Variants in CAMK2G observed in about 807,000 individuals in gnomAD.
The protein encoded by CAMK2G is calcium/calmodulin-dependent protein kinase type II subunit gamma.
In CAMK2G, 23 loss-of-function variants were observed where a neutral mutation model predicts 88.7. The observed-to-expected ratio is 0.26, with a 90% confidence interval of 0.19 to 0.37. The LOEUF (loss-of-function observed/expected upper bound fraction) is 0.37, where lower values mean the gene tolerates loss of function less well. Ranked by LOEUF, CAMK2G falls within the 10% of genes least tolerant of loss-of-function variation. CAMK2G has a pLI of 1.00. For synonymous variants in CAMK2G, 263 were observed against 294.8 expected, an observed-to-expected ratio of 0.89 and a Z score of 1.11; for missense variants, 476 against 780.8, an observed-to-expected ratio of 0.61 and a Z score of 4.65.
chr10:73,868,397 G>T (rs1309505482), intron 2 of CAMK2G, among the ~76,000 whole-genome samples: 2 of 152,186 alleles, frequency 1.3e-5, no homozygotes, highest in African/African-American at 4.8e-5. Flanking sequence ...GGCCAGTGTT[G>T]TGTGTGCTAA....
At chr10:73,861,478 C>T (rs1203357002) in intron 2 of CAMK2G, among the ~76,000 whole-genome samples, 1 of 152,202 alleles carries the variant, frequency 6.6e-6, no homozygotes, top group Non-Finnish European at 1.5e-5. Flanking sequence ...GCCTCAGCCT[C>T]CCGAGTAGCT....
At chr10:73,836,138 T>A (rs2093186038) in intron 14 of CAMK2G, among the ~76,000 whole-genome samples, 1 of 152,194 alleles carries the variant, frequency 6.6e-6, no homozygotes. Flanking sequence ...CTGACCCATA[T>A]TTTCAATTTA....
Position 73,820,109 on chromosome 10 carries a change from C to A in CAMK2G, c.1250-464G>T, listed in dbSNP as rs191422838. On this transcript the variant is annotated intron_variant, in intron 18 of 22. Transcript: ENST00000423381. ...TTTTTGGTTCCAAAAGGTTTGGTGCCCCCTTGCCACCCAGGGCATGCTCTC... is the reference window on the plus strand; with the variant it reads ...TTTTTGGTTCCAAAAGGTTTGGTGCACCCTTGCCACCCAGGGCATGCTCTC... Among the ~76,000 whole-genome samples the A allele has an allele frequency of 3.2e-3, 490 of 152,202 alleles. 1 individual carries two copies. The highest frequency in any genetic ancestry group is 0.011 in the African/African-American group (471 of 41,518).
In CAMK2G at chr10:73,820,492, A is replaced by ATTTTTT. The variant is rs1166533591; in HGVS notation, c.1250-853_1250-848dup. On this transcript the variant is annotated intron_variant, in intron 18 of 22. Coordinates refer to ENST00000423381, the MANE Select transcript of CAMK2G (RefSeq NM_001367534.1). Reference sequence around the variant, plus strand: ...TATATATATATATATATATATATATATTTTTTTTTTTTTTTTTTTCTTGAG... The same window carrying ATTTTTT: ...TATATATATATATATATATATATATATTTTTTTTTTTTTTTTTTTTTTTTTCTTGAG... 1.0e-3 allele frequency among the ~76,000 whole-genome samples: 51 copies of ATTTTTT among 51,056 alleles called. 1 individual carries two copies. The highest frequency in any genetic ancestry group is 3.3e-3 in the African/African-American group (37 of 11,280). The allele number at this position is 51,056 out of a possible 152,430, so 33.5% of individuals were successfully genotyped here.
chr10:73,823,199 T>C (rs948157751), intron 17 of CAMK2G, among the ~76,000 whole-genome samples: 17 of 151,952 alleles, frequency 1.1e-4, no homozygotes, highest in African/African-American at 2.9e-4. Flanking sequence ...AGATTACCTA[T>C]TGACATTAGA....
chr10:73,852,210 C>T (rs2094681849), intron 5 of CAMK2G, 44 bp downstream of exon 5: 4 of 1,530,220 alleles, frequency 2.6e-6, no homozygotes, highest in Non-Finnish European at 3.6e-6. Flanking sequence ...TCCTTCAGTC[C>T]TAAACTCCAG....
At chr10:73,851,589 G>C (rs1198334272) in intron 5 of CAMK2G, among the ~76,000 whole-genome samples, 2 of 152,126 alleles carry the variant, frequency 1.3e-5, no homozygotes, top group African/African-American at 4.8e-5. Flanking sequence ...ACAGTGGCTT[G>C]AGCACACCAG....
At position 73,839,446 on chromosome 10, in the gene CAMK2G, C is replaced by T. The variant is rs1484462034; in HGVS notation, c.1009+93G>A. On this transcript the variant is annotated intron_variant, in intron 13 of 22. Coordinates refer to ENST00000423381, the MANE Select transcript of CAMK2G (RefSeq NM_001367534.1). This position sits in a 1 kb window ranked among gnomAD's most constrained non-coding sequence, Gnocchi z 4.2. The stretch of plus-strand genomic sequence containing the variant: ...CATCTCAGCCCGCAAGCATGGGACT[C>T]GCCTCCCTGGTGAGTGGGCCCGGCA... 4.6e-6 allele frequency: 3 copies of T among 649,948 alleles called. No individual in the cohort carries two copies. Among genetic ancestry groups the T allele is most frequent in the Admixed American group, 4.4e-5 (1 of 22,970 alleles). The allele number at this position is 649,948 out of a possible 1,614,324, so 40.3% of individuals were successfully genotyped here. A position where few individuals can be genotyped will look rare whatever the true frequency, so the allele number is the denominator to read the frequency against.
Position 73,828,107 on chromosome 10 carries a change from A to G in CAMK2G, c.1068T>C (p.Ser356=), listed in dbSNP as rs1245439668. 6.2e-7 allele frequency: 1 copy of G among 1,613,704 alleles called. No individual in the cohort carries two copies. The highest frequency in any genetic ancestry group is 8.5e-7 in the Non-Finnish European group (1 of 1,179,628). The change falls in exon 15 of 23, where the codon AGT becomes AGC. Residue 356 remains serine, a synonymous_variant. Transcript: ENST00000423381. ...SDGGVKKRKS[S]SSVHLMPQSN... is the part of the protein sequence containing the mutation. ...GGCTCACCATTAGGTGCACGCTGGA[A>G]CTCGACTTCCTTTTCTGGACACACC... is the stretch of plus-strand genomic sequence containing the variant.
chr10:73,856,602 G>A (rs1223495489), intron 3 of CAMK2G, among the ~76,000 whole-genome samples: 5 of 152,250 alleles, frequency 3.3e-5, no homozygotes, highest in Non-Finnish European at 7.3e-5. Context: ...TGTGAGGCAG[G>A]AGCAGAGGGA....
intron 10 of CAMK2G, among the ~76,000 whole-genome samples, chr10:73,844,897 CTTAAT>C (rs2094115098): frequency 6.6e-6 from 1 of 152,208 alleles, no homozygotes; most frequent in Admixed American, 6.5e-5. Flanking sequence ...TCTTCCCCAA[CTTAAT>C]CAGGGACTCT....
At position 73,820,663 on chromosome 10, in the gene CAMK2G, A is replaced by ATTTTTTTTTTTTTTT. The variant is rs1198716305; in HGVS notation, c.1249+1004_1249+1018dup. Among the ~76,000 whole-genome samples, 25 of 46,128 alleles carry ATTTTTTTTTTTTTTT rather than the reference A, an allele frequency of 5.4e-4. 2 individuals carry two copies. Among genetic ancestry groups the ATTTTTTTTTTTTTTT allele is most frequent in the Non-Finnish European group, 6.8e-4 (20 of 29,314 alleles). 30.3% of individuals were successfully genotyped at this position (46,128 alleles called of 152,430 possible). ...AGGACCCCGCCACCACACCCGGCTA[A>ATTTTTTTTTTTTTTT]TTTTTTTTTTTTTTTTTTTTTTTTT... On this transcript the variant is annotated intron_variant, in intron 18 of 22. Transcript: ENST00000423381.
intron 3 of CAMK2G, among the ~76,000 whole-genome samples, chr10:73,856,416 G>A (rs1215121887): frequency 3.9e-5 from 6 of 152,224 alleles, no homozygotes; most frequent in African/African-American, 1.4e-4. Flanking sequence ...ATTCTGACTG[G>A]CTCGACAATG....
intron 10 of CAMK2G, chr10:73,846,254 A>G (rs1352646926): frequency 6.6e-6 from 1 of 152,186 alleles, no homozygotes; most frequent in Non-Finnish European, 1.5e-5. Context: ...TTGCAGCCTC[A>G]TCGACAACCA....
At chr10:73,850,039 G>T (rs79222028) in intron 5 of CAMK2G, among the ~76,000 whole-genome samples, 10 of 152,272 alleles carry the variant, frequency 6.6e-5, no homozygotes, top group Non-Finnish European at 1.0e-4. Flanking sequence ...TCTGTTGCCT[G>T]GGTTAGAGTG....
chr10:73,825,665 G>T (rs1240810975), intron 15 of CAMK2G, among the ~76,000 whole-genome samples: 4 of 152,154 alleles, frequency 2.6e-5, no homozygotes, highest in African/African-American at 4.8e-5. Flanking sequence ...AGAAGTTCAA[G>T]ATCTTCTTCC....
intron 12 of CAMK2G, among the ~76,000 whole-genome samples, chr10:73,840,953 G>C (rs1345226734): frequency 1.3e-5 from 2 of 152,234 alleles, no homozygotes; most frequent in African/African-American, 2.4e-5. Context: ...GTTCCCATCT[G>C]CGAGAGGTGG....
At chr10:73,859,627 G>A (rs1156999238) in intron 3 of CAMK2G, among the ~76,000 whole-genome samples, 3 of 152,202 alleles carry the variant, frequency 2.0e-5, no homozygotes, top group Non-Finnish European at 2.9e-5. Context: ...GCTGAGAGGT[G>A]CTGGCTCTGC....
chr10:73,852,194 A>G, intron 5 of CAMK2G, 60 bp downstream of exon 5: 1 of 1,373,234 alleles, frequency 7.3e-7, no homozygotes, highest in Non-Finnish European at 1.0e-6. Context: ...GAAGGTGGCC[A>G]AGACTTCCTT....
Sources: gnomAD v4.1 joint callset for allele counts (sites outside exome capture counted in the v4.1 genomes callset) on GRCh38, gnomAD v4.1.1 for gene constraint, Gnocchi (gnomAD v3.1) non-coding constraint, MANE v1.5 for transcripts, NCBI Gene and HGNC (gene_info 2026-07-23, HGNC 2026-07-21) for gene names.